Variants in USH2A observed in about 807,000 individuals in gnomAD.
USH2A encodes the protein Usher syndrome 2A (autosomal recessive, mild).
A neutral mutation model predicts 538.9 loss-of-function variants in USH2A; 443 were observed. The observed-to-expected ratio is 0.82, with a 90% confidence interval of 0.76 to 0.89. The LOEUF is 0.89. Ranked by LOEUF, USH2A falls within the 40% of genes least tolerant of loss-of-function variation. USH2A has a pLI of 0.00. For synonymous variants in USH2A, 2,413 were observed against 2,273.5 expected (o/e 1.06, Z -1.75); for missense variants, 6,633 against 6,324.8 (o/e 1.05, Z -1.65).
At chr1:215,940,705 G>A (rs1666610926) in intron 37 of USH2A, among the ~76,000 whole-genome samples, 2 of 152,062 alleles carry the variant, frequency 1.3e-5, no homozygotes, top group Admixed American at 6.6e-5. Flanking sequence ...TTCTGAGGAC[G>A]GTGCTCGATT....
rs1491384446 is a variant in USH2A, at chr1:216,265,634, TGA to T, written c.1972-14538_1972-14537del. ...AGCAAAGGAATAGATAAAGAAAATT[TGA>T]TATATATATATATATCATATATCAC... is the stretch of plus-strand genomic sequence containing the variant. On this transcript the variant is annotated intron_variant, in intron 11 of 71. Transcript: ENST00000307340. Among the ~76,000 whole-genome samples the T allele has an allele frequency of 3.0e-4, 4 of 13,138 alleles. No homozygotes were observed. In the South Asian group the frequency reaches 0.011, roughly 37 times the overall value. The allele number at this position is 13,138 out of a possible 152,430, so 8.6% of individuals were successfully genotyped here. A position where few individuals can be genotyped will look rare whatever the true frequency, so the allele number is the denominator to read the frequency against.
At chr1:216,158,684 C>T (rs1028329718) in intron 21 of USH2A, among the ~76,000 whole-genome samples, 1 of 151,934 alleles carries the variant, frequency 6.6e-6, no homozygotes, top group African/African-American at 2.4e-5. Context: ...TTTAGTATTG[C>T]CTTGGCTACT....
At chr1:216,076,626 A>G (rs191100678) in intron 27 of USH2A, among the ~76,000 whole-genome samples, 2 of 152,212 alleles carry the variant, frequency 1.3e-5, no homozygotes, top group Middle Eastern at 3.4e-3. Context: ...AGAAGCTCTT[A>G]TATGAATGTA....
intron 22 of USH2A, among the ~76,000 whole-genome samples, chr1:216,091,607 G>A (rs2032303493): frequency 6.6e-6 from 1 of 152,028 alleles, no homozygotes; most frequent in South Asian, 2.1e-4. Context: ...AGAATGCTTC[G>A]GATAGTTGGA....
intron 47 of USH2A, among the ~76,000 whole-genome samples, chr1:215,820,274 C>T (rs1662975632): frequency 7.0e-6 from 1 of 142,372 alleles, no homozygotes; most frequent in South Asian, 2.2e-4. Context: ...GTTTGGGTTA[C>T]ATTTTCTCAT....
chr1:215,929,661 C>A (rs946282178), intron 38 of USH2A, among the ~76,000 whole-genome samples: 1 of 152,104 alleles, frequency 6.6e-6, no homozygotes, highest in South Asian at 2.1e-4. Flanking sequence ...ACAGGCAATG[C>A]GCTAAACACA....
intron 4 of USH2A, among the ~76,000 whole-genome samples, chr1:216,354,630 A>G (rs2038347185): frequency 6.6e-6 from 1 of 152,158 alleles, no homozygotes; most frequent in South Asian, 2.1e-4. Context: ...CAGCCTAGAC[A>G]CAAAAGAGAA....
chr1:215,822,306 A>G (rs1663034910), intron 47 of USH2A, among the ~76,000 whole-genome samples: 1 of 151,694 alleles, frequency 6.6e-6, no homozygotes, highest in Admixed American at 6.6e-5. Flanking sequence ...TTTCATCAGC[A>G]TTTTATAGTT....
intron 50 of USH2A, 132 bp downstream of exon 50, chr1:215,798,775 T>C: frequency 2.0e-6 from 2 of 1,020,644 alleles, no homozygotes; most frequent in Non-Finnish European, 3.0e-6. Flanking sequence ...AAACAATATG[T>C]TCCTAATTAT....
chr1:215,799,304 C>T (rs149011558), intron 49 of USH2A, among the ~76,000 whole-genome samples, 179 bp from the exon 50 acceptor site: 279 of 152,294 alleles, frequency 1.8e-3, no homozygotes, highest in African/African-American at 6.4e-3. Flanking sequence ...TGTGTATAAA[C>T]GTGTGTCAGA....
At chr1:216,167,478 C>A (rs911911047) in intron 21 of USH2A, among the ~76,000 whole-genome samples, 6 of 152,068 alleles carry the variant, frequency 3.9e-5, no homozygotes, top group Non-Finnish European at 5.9e-5. Flanking sequence ...CTTCTGGGAA[C>A]ACTTAACTGG....
chr1:215,856,080 A>G (rs1012441180), intron 44 of USH2A, among the ~76,000 whole-genome samples: 1 of 152,240 alleles, frequency 6.6e-6, no homozygotes, highest in Non-Finnish European at 1.5e-5. Context: ...AACCACAAAA[A>G]TTCTAGAAGA....
rs755578229 is a variant in USH2A, at chr1:215,674,308, T to A, written c.13603A>T (p.Met4535Leu). Residue 4535 changes from methionine (M) to leucine (L), a missense_variant, in exon 63 of 72, where the codon ATG (methionine) becomes TTG (leucine). Coordinates refer to ENST00000307340, the MANE Select transcript of USH2A (RefSeq NM_206933.4). ...CTGGCCTGCAATTTTGGAGGTTCCA[T>A]CCCTGAGGGTGCTGAGGGGCTGGTT... is the stretch of plus-strand genomic sequence containing the variant. ...DRTSPSAPSG[M>L]EPPKLQARGP... is the part of the protein sequence containing the mutation. 1.9e-6 allele frequency: 3 copies of A among 1,613,972 alleles called. No individual in the cohort carries two copies. The East Asian group carries it at 6.7e-5, about 36-fold the overall frequency.
chr1:215,751,801 AATGGAGTTTTACC>A (rs1160613186), intron 58 of USH2A, among the ~76,000 whole-genome samples: 2 of 152,160 alleles, frequency 1.3e-5, no homozygotes, highest in African/African-American at 2.4e-5. Flanking sequence ...TTCAAACAAT[AATGGAGTTTTACC>A]ATGCCATCTC....
intron 14 of USH2A, among the ~76,000 whole-genome samples, chr1:216,231,273 A>ATATATATATAT (rs1279695573): frequency 1.5e-3 from 174 of 118,238 alleles, no homozygotes; most frequent in Non-Finnish European, 2.0e-3. Flanking sequence ...TATATATATA[A>ATATATATATAT]TATATATACA....
At chr1:215,812,276 G>A (rs189836947) in intron 49 of USH2A, among the ~76,000 whole-genome samples, 5 of 152,146 alleles carry the variant, frequency 3.3e-5, no homozygotes, top group South Asian at 2.1e-4. Context: ...ATGAGCCACC[G>A]TGCCCAGACA....
intron 30 of USH2A, among the ~76,000 whole-genome samples, chr1:216,058,890 C>A (rs1249790642): frequency 6.6e-6 from 1 of 152,108 alleles, no homozygotes. Flanking sequence ...TTACCTTGAG[C>A]AAGGTAGTGA....
intron 37 of USH2A, among the ~76,000 whole-genome samples, chr1:215,945,390 T>C (rs969537634): frequency 6.6e-6 from 1 of 152,176 alleles, no homozygotes; most frequent in Admixed American, 6.5e-5. Flanking sequence ...CCTAGACCAG[T>C]TGATATGGTT....
intron 37 of USH2A, among the ~76,000 whole-genome samples, chr1:215,960,244 A>G (rs1667166316): frequency 1.3e-5 from 2 of 152,142 alleles, no homozygotes. Flanking sequence ...TTCATCTACC[A>G]GTTAAATGGA....
Sources: gnomAD v4.1 joint callset for allele counts (sites outside exome capture counted in the v4.1 genomes callset) on GRCh38, gnomAD v4.1.1 for gene constraint, MANE v1.5 for transcripts, NCBI Gene and HGNC (gene_info 2026-07-23, HGNC 2026-07-21) for gene names.